Variants in MCPH1 observed in about 807,000 individuals in gnomAD.
MCPH1 encodes microcephalin.
In MCPH1, 104 loss-of-function variants were observed where a neutral mutation model predicts 84.5. That is an observed-to-expected ratio of 1.23 (90% CI 1.05 to 1.45). The LOEUF is 1.45. Ranked by LOEUF, MCPH1 falls within the 40% of genes most tolerant of loss-of-function variation. MCPH1 has a pLI of 0.00. For synonymous variants in MCPH1, 514 were observed against 366.8 expected, an observed-to-expected ratio of 1.40 and a Z score of -4.58; for missense variants, 1,498 against 1,005.7, an observed-to-expected ratio of 1.49 and a Z score of -6.62.
chr8:6,519,843 A>C (rs778546365), intron 12 of MCPH1: 3 of 1,612,546 alleles, frequency 1.9e-6, no homozygotes, highest in Non-Finnish European at 2.5e-6. Context: ...GGGAGTTAGT[A>C]AGGGGAGACG....
chr8:6,469,277 A>G (rs1271664247), intron 9 of MCPH1, among the ~76,000 whole-genome samples: 2 of 152,216 alleles, frequency 1.3e-5, no homozygotes, highest in African/African-American at 4.8e-5. Context: ...ATGGGGGAAT[A>G]TCAACATTAT....
chr8:6,562,893 G>A (rs761906666), intron 12 of MCPH1: 12 of 1,608,154 alleles, frequency 7.5e-6, no homozygotes, highest in African/African-American at 6.7e-5. Context: ...CTGCGGCCAA[G>A]ACAAGATCAC....
chr8:6,605,752 CAG>C (rs1402515411), intron 12 of MCPH1, among the ~76,000 whole-genome samples: 4 of 152,142 alleles, frequency 2.6e-5, no homozygotes, highest in Non-Finnish European at 5.9e-5. Flanking sequence ...GGCTGGAGTG[CAG>C]TGGCACGATC....
At chr8:6,617,188 TTTGAG>T (rs903423238) in intron 12 of MCPH1, 2 of 151,564 alleles carry the variant, frequency 1.3e-5, no homozygotes, top group Admixed American at 6.6e-5. Context: ...AGTTATAGCA[TTTGAG>T]TTAAGTAAAA....
intron 12 of MCPH1, among the ~76,000 whole-genome samples, chr8:6,581,060 A>T (rs1370215820): frequency 6.6e-6 from 1 of 152,204 alleles, no homozygotes; most frequent in African/African-American, 2.4e-5. Context: ...TAATCTAGGG[A>T]TGATTTAAAC....
At chr8:6,513,782 A>C (rs17063434) in intron 12 of MCPH1, 1 of 1,613,970 alleles carries the variant, frequency 6.2e-7, no homozygotes, top group South Asian at 1.1e-5. Flanking sequence ...AGCGTTGCTG[A>C]TTAGTCAGTT....
intron 9 of MCPH1, among the ~76,000 whole-genome samples, chr8:6,465,236 G>T (rs1806730228): frequency 6.6e-6 from 1 of 152,176 alleles, no homozygotes; most frequent in African/African-American, 2.4e-5. Flanking sequence ...TAGCAAACTT[G>T]AATCCTTATT....
intron 6 of MCPH1, among the ~76,000 whole-genome samples, chr8:6,441,234 C>T (rs1231755538): frequency 1.3e-5 from 2 of 152,206 alleles, no homozygotes; most frequent in Non-Finnish European, 1.5e-5. Flanking sequence ...GGTGGACATC[C>T]AAATTGTTTC....
At chr8:6,576,663 A>ATG (rs1207803616) in intron 12 of MCPH1, among the ~76,000 whole-genome samples, 9 of 127,490 alleles carry the variant, frequency 7.1e-5, no homozygotes, top group Non-Finnish European at 1.1e-4. Context: ...GCCCGCCACC[A>ATG]CGCTCTGCTA....
At chr8:6,537,134 C>A (rs182083660) in intron 12 of MCPH1, among the ~76,000 whole-genome samples, 5 of 152,098 alleles carry the variant, frequency 3.3e-5, no homozygotes, top group Middle Eastern at 3.2e-3. Context: ...GGAGGGGACC[C>A]GGCTCTTTCC....
chr8:6,497,758 A>AAT (rs1811417739), intron 11 of MCPH1, among the ~76,000 whole-genome samples: 1 of 152,210 alleles, frequency 6.6e-6, no homozygotes, highest in South Asian at 2.1e-4. Flanking sequence ...TTTTGCTATG[A>AAT]AGCTAAAGTG....
intron 12 of MCPH1, among the ~76,000 whole-genome samples, chr8:6,582,239 C>T (rs1827619216): frequency 6.6e-6 from 1 of 152,194 alleles, no homozygotes; most frequent in Admixed American, 6.5e-5. Context: ...TAGAATTACG[C>T]CTTGCATACA....
At chr8:6,546,637 A>T (rs1484209719) in intron 12 of MCPH1, among the ~76,000 whole-genome samples, 1 of 152,230 alleles carries the variant, frequency 6.6e-6, no homozygotes, top group East Asian at 1.9e-4. Flanking sequence ...TAACCGCTTA[A>T]TACAAGCAAC....
intron 12 of MCPH1, among the ~76,000 whole-genome samples, chr8:6,582,575 T>C (rs964039481): frequency 5.9e-5 from 9 of 152,180 alleles, no homozygotes; most frequent in African/African-American, 2.4e-5. Context: ...TGTTTGTATT[T>C]AATAGTAAGA....
At chr8:6,425,190 GA>G (rs1800876626) in intron 3 of MCPH1, among the ~76,000 whole-genome samples, 2 of 152,234 alleles carry the variant, frequency 1.3e-5, no homozygotes, top group African/African-American at 4.8e-5. Context: ...TTCCCGAGGA[GA>G]ACGTTGCTGC....
chr8:6,615,292 C>G (rs185539511), intron 12 of MCPH1, among the ~76,000 whole-genome samples: 164 of 152,340 alleles, frequency 1.1e-3, no homozygotes, highest in African/African-American at 3.8e-3. Flanking sequence ...CAAGCCTACT[C>G]AGGCTCCCAC....
intron 12 of MCPH1, among the ~76,000 whole-genome samples, chr8:6,559,392 T>C (rs998956388): frequency 6.6e-6 from 1 of 152,212 alleles, no homozygotes; most frequent in Non-Finnish European, 1.5e-5. Context: ...CATTCATTCG[T>C]GAGTAGTAGC....
intron 12 of MCPH1, among the ~76,000 whole-genome samples, chr8:6,566,372 C>T (rs570365906): frequency 6.6e-6 from 1 of 150,932 alleles, no homozygotes; most frequent in South Asian, 2.1e-4. Context: ...GCAGTACACA[C>T]AGTGCAGCAA....
At chr8:6,464,502 T>C (rs972512270) in intron 9 of MCPH1, among the ~76,000 whole-genome samples, 8 of 152,360 alleles carry the variant, frequency 5.3e-5, no homozygotes, top group East Asian at 1.9e-4. Flanking sequence ...TGATTTTGCA[T>C]GCATTGTAAA....
Sources: allele counts gnomAD v4.1 joint callset (sites outside exome capture counted in the v4.1 genomes callset), GRCh38; gene constraint gnomAD v4.1.1; transcripts MANE v1.5; gene names NCBI Gene and HGNC (gene_info 2026-07-23, HGNC 2026-07-21).